ZNF410: variants seen among roughly 807,000 people sequenced by gnomAD.
ZNF410 encodes zinc finger protein 410, also known as another partner for ARF 1.
In ZNF410, 18 loss-of-function variants were observed where a neutral mutation model predicts 54.8. That is an observed-to-expected ratio of 0.33 (90% CI 0.23 to 0.49). The LOEUF (loss-of-function observed/expected upper bound fraction) is 0.49, where lower values mean the gene tolerates loss of function less well. Ranked by LOEUF, ZNF410 falls within the 20% of genes least tolerant of loss-of-function variation. The pLI is 0.99. For synonymous variants in ZNF410, 191 were observed against 207.3 expected (o/e 0.92, Z 0.68); for missense variants, 405 against 569.6 (o/e 0.71, Z 2.94).
intron 8 of ZNF410, among the ~76,000 whole-genome samples, chr14:73,918,997 CTTTTTTTTTTTTTT>C (rs906481832): frequency 4.2e-3 from 253 of 60,640 alleles, no homozygotes; most frequent in Non-Finnish European, 5.0e-3. Flanking sequence ...CGTGCCCGGC[CTTTTTTTTTTTTTT>C]TTTTTTTTTT....
At chr14:73,921,988 C>T in intron 9 of ZNF410, 78 bp from the exon 10 acceptor site, 1 of 1,546,580 alleles carries the variant, frequency 6.5e-7, no homozygotes, top group Admixed American at 1.8e-5. Flanking sequence ...AAGAGAAGGC[C>T]AGCTTCTGTT....
chr14:73,901,500 A>C (rs907095958), intron 5 of ZNF410, among the ~76,000 whole-genome samples: 1 of 151,230 alleles, frequency 6.6e-6, no homozygotes. Flanking sequence ...GAGCAGGAGG[A>C]GTTTCAGTGA....
At chr14:73,922,379 A>T (rs72627133) in intron 10 of ZNF410, 173 bp downstream of exon 10, 54,727 of 556,580 alleles carry the variant, frequency 0.098, 4,897 homozygotes, top group East Asian at 0.43. Flanking sequence ...TTAAAAAAAA[A>T]TTTTTTTTCA....
At chr14:73,906,821 GT>G (rs574410854) in intron 7 of ZNF410, among the ~76,000 whole-genome samples, 54 of 150,716 alleles carry the variant, frequency 3.6e-4, no homozygotes, top group Admixed American at 2.6e-3. Context: ...TTTTCCCGTT[GT>G]TTTTTTTTCT....
chr14:73,905,820 A>G (rs997749100), intron 7 of ZNF410, among the ~76,000 whole-genome samples: 1 of 151,936 alleles, frequency 6.6e-6, no homozygotes, highest in African/African-American at 2.4e-5. Context: ...ATTAAAAGGC[A>G]TATATATGGC....
At chr14:73,886,997 G>T (rs1467671376) in intron 1 of ZNF410, 82 bp downstream of exon 1, 2 of 152,868 alleles carry the variant, frequency 1.3e-5, no homozygotes, top group Non-Finnish European at 2.9e-5. Flanking sequence ...GCTACTTGGG[G>T]CCTGGGGCCG....
intron 11 of ZNF410, among the ~76,000 whole-genome samples, chr14:73,928,933 C>A (rs1012134590): frequency 1.3e-5 from 2 of 151,916 alleles, no homozygotes; most frequent in African/African-American, 4.8e-5. Flanking sequence ...TGGGAGAGAT[C>A]CTATCCCAAA....
intron 7 of ZNF410, among the ~76,000 whole-genome samples, chr14:73,905,954 C>A (rs1428578771): frequency 9.7e-5 from 2 of 20,642 alleles, no homozygotes; most frequent in Non-Finnish European, 2.4e-4. Context: ...TACACACACA[C>A]ACACACACAC....
intron 1 of ZNF410, among the ~76,000 whole-genome samples, chr14:73,888,835 C>A (rs1163331043): frequency 6.6e-6 from 1 of 152,146 alleles, no homozygotes; most frequent in Non-Finnish European, 1.5e-5. Context: ...CTTTTGAGTT[C>A]AGTTGCATAT....
intron 11 of ZNF410, among the ~76,000 whole-genome samples, chr14:73,930,406 T>C (rs965308274): frequency 1.3e-5 from 2 of 152,192 alleles, no homozygotes; most frequent in Non-Finnish European, 2.9e-5. Context: ...CAAGCAATCC[T>C]CCTCCCTCAG....
intron 3 of ZNF410, among the ~76,000 whole-genome samples, chr14:73,894,895 G>A (rs1215132783): frequency 2.0e-5 from 3 of 152,166 alleles, no homozygotes; most frequent in Admixed American, 1.3e-4. Context: ...AGGTGTGGTG[G>A]CTCGTGCCTG....
In ZNF410 at chr14:73,908,586, C is replaced by T. The variant is rs548884390; in HGVS notation, c.914-755C>T. 4.4e-3 allele frequency among the ~76,000 whole-genome samples: 672 copies of T among 152,220 alleles called. 6 individuals are homozygous for T. The highest frequency in any genetic ancestry group is 0.016 in the African/African-American group (654 of 41,524). Reference sequence around the variant, plus strand: ...GTTCCCTCCCAGAAAGCTCAGCTCCCATATTGTCACTGTGCCAGCCTTACT... The same window carrying T: ...GTTCCCTCCCAGAAAGCTCAGCTCCTATATTGTCACTGTGCCAGCCTTACT... On this transcript the variant is annotated intron_variant, in intron 7 of 11. Transcript: ENST00000555044.
intron 9 of ZNF410, 54 bp downstream of exon 9, chr14:73,921,159 C>G: frequency 6.2e-7 from 1 of 1,602,788 alleles, no homozygotes; most frequent in Non-Finnish European, 8.5e-7. Flanking sequence ...TTCCAAGAGC[C>G]AAATCACTGT....
chr14:73,921,161 A>C, intron 9 of ZNF410, 56 bp downstream of exon 9: 2 of 1,602,694 alleles, frequency 1.2e-6, no homozygotes, highest in Non-Finnish European at 1.7e-6. Context: ...CCAAGAGCCA[A>C]ATCACTGTCC....
chr14:73,897,238 G>A (rs566168491), intron 4 of ZNF410, among the ~76,000 whole-genome samples: 137 of 152,292 alleles, frequency 9.0e-4, no homozygotes, highest in Non-Finnish European at 1.6e-3. Context: ...AAAGAGATGG[G>A]GAGTGGATGG....
chr14:73,895,228 T>A (rs998093338), intron 3 of ZNF410: 1 of 152,188 alleles, frequency 6.6e-6, no homozygotes, highest in Admixed American at 6.5e-5. Context: ...AGCGTTCATC[T>A]TCCCTTAGAA....
intron 1 of ZNF410, among the ~76,000 whole-genome samples, chr14:73,889,720 A>G (rs1031029515): frequency 2.0e-5 from 3 of 152,194 alleles, no homozygotes; most frequent in African/African-American, 7.2e-5. Context: ...TGTGTGGAAG[A>G]AAAGTCAGGG....
chr14:73,892,483 A>AAT (rs1252278355), intron 2 of ZNF410, among the ~76,000 whole-genome samples: 1 of 151,716 alleles, frequency 6.6e-6, no homozygotes, highest in African/African-American at 2.4e-5. Flanking sequence ...TTTATGTATA[A>AAT]ATATATACAT....
chr14:73,889,084 G>A (rs2055184669), intron 1 of ZNF410, among the ~76,000 whole-genome samples: 1 of 152,182 alleles, frequency 6.6e-6, no homozygotes, highest in Non-Finnish European at 1.5e-5. Context: ...TACAATCCTG[G>A]AATCTCAAAG....
Sources: gnomAD v4.1 joint callset for allele counts (sites outside exome capture counted in the v4.1 genomes callset) on GRCh38, gnomAD v4.1.1 for gene constraint, MANE v1.5 for transcripts, NCBI Gene and HGNC (gene_info 2026-07-23, HGNC 2026-07-21) for gene names.